The following HYDIN variants were observed in gnomAD, a reference collection of about 807,000 sequenced individuals.
The protein encoded by HYDIN is axonemal central pair apparatus protein HYDIN.
Under a neutral mutation model 403.9 loss-of-function variants are expected in HYDIN, and 132 were observed. The observed-to-expected ratio is 0.33, with a 90% confidence interval of 0.28 to 0.38. The LOEUF is 0.38. Ranked by LOEUF, HYDIN falls within the 10% of genes least tolerant of loss-of-function variation. The probability of loss-of-function intolerance (pLI) is 1.00; values close to 1 mark genes in which losing one functional copy is unlikely to be tolerated. For missense variants in HYDIN, 2,827 were observed against 5,009.5 expected (o/e 0.56, Z 13.15); for synonymous variants, 1,202 against 1,891.7 (o/e 0.64, Z 9.46).
intron 11 of HYDIN, among the ~76,000 whole-genome samples, chr16:71,092,957 C>T (rs1346549630): frequency 1.1e-4 from 16 of 145,452 alleles, no homozygotes; most frequent in African/African-American, 3.2e-4. Flanking sequence ...AACTACTACA[C>T]GATCCACATT....
At chr16:71,133,796 G>A (rs2084807074) in intron 8 of HYDIN, among the ~76,000 whole-genome samples, 1 of 151,338 alleles carries the variant, frequency 6.6e-6, no homozygotes, top group African/African-American at 2.4e-5. Context: ...AAGGAGGGAT[G>A]AATGCAGCCT....
At chr16:70,964,919 T>A (rs1395434176) in intron 36 of HYDIN, 23 bp from the exon 37 acceptor site, 3 of 1,612,502 alleles carry the variant, frequency 1.9e-6, no homozygotes, top group African/African-American at 1.3e-5. Context: ...AGAAAGAGAA[T>A]CCTGTTGGTC....
chr16:71,106,046 G>A (rs1224026695), intron 10 of HYDIN, among the ~76,000 whole-genome samples: 1 of 152,040 alleles, frequency 6.6e-6, no homozygotes, highest in Non-Finnish European at 1.5e-5. Flanking sequence ...GGGTGCTTCA[G>A]TGACTGCCAG....
Position 70,889,681 on chromosome 16 carries a change from C to T in HYDIN, c.9680G>A (p.Arg3227Lys). 1 of 639,544 alleles carries T rather than the reference C, an allele frequency of 1.6e-6. No individual in the cohort carries two copies. The allele number at this position is 639,544 out of a possible 1,614,324, so 39.6% of individuals were successfully genotyped here. ...GTAGAAGCTCTCACTTTCTCGGGATCTTGCATGTCTGACGTGGCTGGCTCT... is the reference window on the plus strand; with the variant it reads ...GTAGAAGCTCTCACTTTCTCGGGATTTTGCATGTCTGACGTGGCTGGCTCT... ...KKAASHVRHARSRESESFYKT... is the reference protein window; with the variant it reads ...KKAASHVRHAKSRESESFYKT... Residue 3227 changes from arginine (R) to lysine (K), a missense_variant, in exon 58 of 86, where the codon AGA becomes AAA. Arg to Lys is a conservative substitution (Grantham distance 26). Transcript: ENST00000393567.
chr16:71,215,214 G>C (rs2088817488), intron 1 of HYDIN, among the ~76,000 whole-genome samples: 1 of 151,886 alleles, frequency 6.6e-6, no homozygotes, highest in African/African-American at 2.4e-5. Context: ...AGCAAGGAAA[G>C]AAGGGAGGAA....
In HYDIN at chr16:70,981,414, A is replaced by C; in HGVS notation, c.4487T>G (p.Leu1496Arg). The change falls in exon 29 of 86, where the codon CTC becomes CGC. Residue 1496 changes from leucine to arginine, a missense_variant. Coordinates refer to ENST00000393567, the MANE Select transcript of HYDIN (RefSeq NM_001270974.2). Reference sequence around the variant, plus strand: ...ACCTGTGAGGTTCCTGGGGAGATCGAGGCAGATTTGGGGAAAGATTCCCTC... The same window carrying C: ...ACCTGTGAGGTTCCTGGGGAGATCGCGGCAGATTTGGGGAAAGATTCCCTC... ...SGEGIFPQIC[L>R]DLPRNLTANE... The C allele has an allele frequency of 1.2e-6, 2 of 1,613,654 alleles. No homozygotes were observed. Among genetic ancestry groups the C allele is most frequent in the Non-Finnish European group, 8.5e-7 (1 of 1,179,818 alleles).
intron 1 of HYDIN, among the ~76,000 whole-genome samples, chr16:71,226,068 T>G (rs575364329): frequency 2.6e-5 from 4 of 152,110 alleles, no homozygotes; most frequent in African/African-American, 7.2e-5. Flanking sequence ...AATTCTAAAG[T>G]TTGTATGGAA....
At position 70,964,901 on chromosome 16, in the gene HYDIN, T is replaced by C. The variant is rs1432442538; in HGVS notation, c.5620-5A>G. On this transcript the variant is annotated splice_polypyrimidine_tract_variant and splice_region_variant and intron_variant, in intron 36 of 85. Transcript: ENST00000393567. ...GCCCTTCAGCTTCCGCAAGATCTGC[T>C]CGAGGGGAGAAAGAGAATCCTGTTG... The C allele has an allele frequency of 6.8e-6, 11 of 1,613,776 alleles. No individual in the cohort carries two copies. The highest frequency in any genetic ancestry group is 8.5e-6 in the Non-Finnish European group (10 of 1,179,964).
rs377723820 is a variant in HYDIN at position 71,163,423 on chromosome 16, G to A, written c.517-693C>T. Among the ~76,000 whole-genome samples, 23 of 152,204 alleles carry A rather than the reference G, an allele frequency of 1.5e-4. No individual in the cohort carries two copies. The East Asian group carries it at 2.3e-3, about 15-fold the overall frequency. ...CAGGCGTGAGCCACCGCGCCCGGCC[G>A]ATGTTTCTAACTAATGGCCTCTTTC... On this transcript the variant is annotated intron_variant, in intron 5 of 85. Coordinates refer to ENST00000393567, the MANE Select transcript of HYDIN (RefSeq NM_001270974.2).
chr16:71,078,681 T>C (rs2082690597), intron 13 of HYDIN, among the ~76,000 whole-genome samples: 2 of 152,104 alleles, frequency 1.3e-5, no homozygotes, highest in African/African-American at 4.8e-5. Context: ...ATTGTTTTAG[T>C]TTTTTGTAGA....
chr16:70,982,354 T>C (rs2079072081), intron 28 of HYDIN, among the ~76,000 whole-genome samples: 1 of 151,388 alleles, frequency 6.6e-6, no homozygotes, highest in Non-Finnish European at 1.5e-5. Context: ...GACAAAGGAA[T>C]ATATGGCATT....
chr16:70,927,503 G>A (rs372690742), intron 45 of HYDIN, among the ~76,000 whole-genome samples: 7 of 149,158 alleles, frequency 4.7e-5, no homozygotes, highest in Admixed American at 2.0e-4. Context: ...AACTACAGTC[G>A]TATAAATACT....
intron 43 of HYDIN, 59 bp from the exon 44 acceptor site, chr16:70,938,814 C>T (rs1249878201): frequency 2.0e-5 from 32 of 1,593,894 alleles, no homozygotes; most frequent in Middle Eastern, 3.3e-4. Context: ...TCGCTAGCAG[C>T]CTAAGCAGGC....
intron 18 of HYDIN, among the ~76,000 whole-genome samples, chr16:71,038,181 GT>G (rs560230295): frequency 4.5e-3 from 680 of 152,038 alleles, no homozygotes; most frequent in African/African-American, 0.015. Flanking sequence ...GCGATCTTTT[GT>G]AATTCAGAAT....
intron 1 of HYDIN, among the ~76,000 whole-genome samples, chr16:71,189,594 T>C (rs973070829): frequency 1.3e-5 from 2 of 151,966 alleles, no homozygotes; most frequent in African/African-American, 4.8e-5. Flanking sequence ...AGTGAAACCC[T>C]GCCTCTACTA....
chr16:71,207,511 A>C (rs561633496), intron 1 of HYDIN, among the ~76,000 whole-genome samples: 119 of 152,322 alleles, frequency 7.8e-4, no homozygotes, highest in Non-Finnish European at 1.4e-3. Flanking sequence ...GCAACCACAC[A>C]AACAAGTCTT....
At chr16:71,059,632 G>C (rs539459256) in intron 18 of HYDIN, among the ~76,000 whole-genome samples, 1 of 152,070 alleles carries the variant, frequency 6.6e-6, no homozygotes, top group East Asian at 1.9e-4. Flanking sequence ...CCTACTTGAG[G>C]GTGAAGGATG....
intron 68 of HYDIN, among the ~76,000 whole-genome samples, chr16:70,862,502 G>A (rs7193376): frequency 1.1e-5 from 1 of 88,878 alleles, no homozygotes; most frequent in African/African-American, 4.6e-5. Flanking sequence ...TGGTTCAAGC[G>A]GGTGGGTCAA....
At chr16:71,185,958 A>G (rs1486254651) in intron 2 of HYDIN, among the ~76,000 whole-genome samples, 1 of 152,204 alleles carries the variant, frequency 6.6e-6, no homozygotes, top group Non-Finnish European at 1.5e-5. Flanking sequence ...TTTCTAATAC[A>G]GCTTTCAACT....
Sources: gnomAD v4.1 joint callset for allele counts (sites outside exome capture counted in the v4.1 genomes callset) on GRCh38, gnomAD v4.1.1 for gene constraint, MANE v1.5 for transcripts, NCBI Gene and HGNC (gene_info 2026-07-23, HGNC 2026-07-21) for gene names.